Variants in SLC28A3 observed in about 807,000 individuals in gnomAD.
SLC28A3 encodes the protein solute carrier family 28 member 3.
Under a neutral mutation model 84.2 loss-of-function variants are expected in SLC28A3, and 68 were observed. The observed-to-expected ratio is 0.81, with a 90% CI of 0.66 to 0.99. The LOEUF is 0.99. Among genes scored for constraint, SLC28A3 ranks in the 50% least tolerant of loss-of-function variants. SLC28A3 has a pLI of 0.00. For synonymous variants in SLC28A3, 267 were observed against 303.6 expected (o/e 0.88, Z 1.25); for missense variants, 712 against 841.5 (o/e 0.85, Z 1.90).
chr9:84,355,633 T>TC, the SLC28A3 span, among the ~76,000 whole-genome samples: 1 of 152,028 alleles, frequency 6.6e-6, no homozygotes. Context: ...TAATCCTAAT[T>TC]CCCCTATTTC....
intron 12 of SLC28A3, 95 bp downstream of exon 12, chr9:84,287,953 G>T: frequency 6.7e-7 from 1 of 1,495,060 alleles, no homozygotes. Flanking sequence ...AATTCACTGT[G>T]CTTTCCGGTT....
At chr9:84,291,936 G>T (rs1825239293) in intron 10 of SLC28A3, among the ~76,000 whole-genome samples, 1 of 152,148 alleles carries the variant, frequency 6.6e-6, no homozygotes. Flanking sequence ...ACACTCCTTG[G>T]CATGATATTT....
chr9:84,347,119 T>C, the SLC28A3 span, among the ~76,000 whole-genome samples: 1 of 145,972 alleles, frequency 6.9e-6, no homozygotes, highest in African/African-American at 2.5e-5. Context: ...AGTTGCAGAA[T>C]ATCTTGAGCC....
intron 10 of SLC28A3, among the ~76,000 whole-genome samples, chr9:84,291,411 A>G (rs2118168700): frequency 6.6e-6 from 1 of 152,202 alleles, no homozygotes; most frequent in African/African-American, 2.4e-5. Context: ...ATCTCGGCTC[A>G]CTGCAACCTC....
At chr9:84,324,433 T>C (rs1826482822) in intron 1 of SLC28A3, among the ~76,000 whole-genome samples, 1 of 152,092 alleles carries the variant, frequency 6.6e-6, no homozygotes, top group African/African-American at 2.4e-5. Flanking sequence ...TGCTCGAGCT[T>C]AGAAGTTCAA....
At chr9:84,340,489 C>T (rs1362125552) in intron 1 of SLC28A3, 85 bp downstream of exon 1, 8 of 1,389,734 alleles carry the variant, frequency 5.8e-6, no homozygotes, top group Admixed American at 3.4e-5. Flanking sequence ...AATCTCCCTG[C>T]TTAGGTAAGA....
At chr9:84,297,789 A>G (rs537177619) in intron 7 of SLC28A3, 117 bp downstream of exon 7, 1 of 817,452 alleles carries the variant, frequency 1.2e-6, no homozygotes, top group Non-Finnish European at 2.0e-6. Context: ...CATGATGCAG[A>G]ATTAAAATTT....
the SLC28A3 span, among the ~76,000 whole-genome samples, chr9:84,346,067 C>T: frequency 1.3e-5 from 2 of 152,226 alleles, no homozygotes; most frequent in African/African-American, 2.4e-5. Context: ...AAAAAACTGT[C>T]TCTTAACTCC....
chr9:84,355,810 C>CTTATT, the SLC28A3 span, among the ~76,000 whole-genome samples: 1,752 of 151,776 alleles, frequency 0.012, 31 homozygotes, highest in African/African-American at 0.037. Context: ...TCTTCCTTTT[C>CTTATT]TTATTTTATT....
At chr9:84,287,215 C>T (rs1056518554) in intron 12 of SLC28A3, among the ~76,000 whole-genome samples, 1 of 152,124 alleles carries the variant, frequency 6.6e-6, no homozygotes, top group African/African-American at 2.4e-5. Context: ...CACTGAGTAA[C>T]TTTACAAGTG....
the SLC28A3 span, among the ~76,000 whole-genome samples, chr9:84,354,293 G>C: frequency 2.0e-5 from 3 of 152,208 alleles, no homozygotes; most frequent in African/African-American, 4.8e-5. Context: ...CTCCTGCATG[G>C]GGCATAGGGC....
the SLC28A3 span, among the ~76,000 whole-genome samples, chr9:84,363,612 A>T: frequency 6.6e-6 from 1 of 152,198 alleles, no homozygotes; most frequent in Non-Finnish European, 1.5e-5. Flanking sequence ...GGATTAGGGC[A>T]TTTATCAGAA....
At chr9:84,355,279 G>GA in the SLC28A3 span, among the ~76,000 whole-genome samples, 1 of 151,998 alleles carries the variant, frequency 6.6e-6, no homozygotes, top group African/African-American at 2.4e-5. Context: ...CCCTGCCTCT[G>GA]AAAAAAGAAA....
chr9:84,323,030 A>T (rs530969217), intron 1 of SLC28A3, among the ~76,000 whole-genome samples: 212 of 152,154 alleles, frequency 1.4e-3, no homozygotes, highest in African/African-American at 4.9e-3. Flanking sequence ...TTATTTATTT[A>T]TTTTTTTATA....
In SLC28A3 at chr9:84,321,049, T is replaced by C. The variant is rs543672403; in HGVS notation, c.61-7595A>G. On this transcript the variant is annotated intron_variant, in intron 1 of 17. Transcript: ENST00000376238. ...ACTTAATTATAGTTGTGCTAAAGAC[T>C]ACTAAAAAGTTCAAGGTGCTACTTC... Among the ~76,000 whole-genome samples the C allele has an allele frequency of 2.6e-5, 4 of 152,130 alleles. No individual in the cohort carries two copies. The East Asian group carries it at 7.7e-4, about 29-fold the overall frequency.
the SLC28A3 span, among the ~76,000 whole-genome samples, chr9:84,364,174 G>C: frequency 7.1e-6 from 1 of 141,614 alleles, no homozygotes; most frequent in Non-Finnish European, 1.5e-5. Flanking sequence ...ACCAAAGCTG[G>C]AGTGCAATGG....
At position 84,278,060 on chromosome 9, in the gene SLC28A3, C is replaced by T. The variant is rs1019263784; in HGVS notation, c.*158G>A. The T allele has an allele frequency of 4.8e-5, 46 of 967,412 alleles. No individual in the cohort carries two copies. The highest frequency in any genetic ancestry group is 6.3e-5 in the Non-Finnish European group (43 of 683,502). 59.9% of individuals were successfully genotyped at this position (967,412 alleles called of 1,614,324 possible). On this transcript the variant is annotated 3_prime_UTR_variant, in exon 18 of 18. Transcript: ENST00000376238. Reference sequence around the variant, plus strand: ...GGAGGGGAGGAGGAAAATGTTGTAGCTTTGAAGGTCCACTCTTGTTTTTCT... The same window carrying T: ...GGAGGGGAGGAGGAAAATGTTGTAGTTTTGAAGGTCCACTCTTGTTTTTCT...
chr9:84,297,124 T>C, intron 8 of SLC28A3, 97 bp downstream of exon 8: 1 of 904,190 alleles, frequency 1.1e-6, no homozygotes, highest in Non-Finnish European at 1.7e-6. Flanking sequence ...AGTAGGTATA[T>C]ACCTGGTTTT....
At chr9:84,332,816 C>A (rs1826839249) in intron 1 of SLC28A3, among the ~76,000 whole-genome samples, 1 of 152,118 alleles carries the variant, frequency 6.6e-6, no homozygotes, top group Non-Finnish European at 1.5e-5. Context: ...CTAAATGGGA[C>A]CATATATAAT....
Sources: allele counts gnomAD v4.1 joint callset (sites outside exome capture counted in the v4.1 genomes callset), GRCh38; gene constraint gnomAD v4.1.1; transcripts MANE v1.5; gene names NCBI Gene and HGNC (gene_info 2026-07-23, HGNC 2026-07-21).